PFKL: variants seen among roughly 807,000 people sequenced by gnomAD.
The protein encoded by PFKL is ATP-dependent 6-phosphofructokinase, liver type.
In PFKL, 74 loss-of-function variants were observed where a neutral mutation model predicts 92.1. That is an observed-to-expected ratio of 0.80 (90% CI 0.67 to 0.97). The LOEUF (loss-of-function observed/expected upper bound fraction) is 0.97. PFKL is among the 50% of genes least tolerant of loss of function. The probability of loss-of-function intolerance (pLI) is 0.00; values close to 1 mark genes in which losing one functional copy is unlikely to be tolerated. For missense variants in PFKL, 1,028 were observed against 1,116.6 expected (o/e 0.92, Z 1.13); for synonymous variants, 494 against 456.4 (o/e 1.08, Z -1.05).
At chr21:44,320,188 C>G (rs1233833075) in intron 12 of PFKL, 41 bp downstream of exon 12, 1 of 1,564,674 alleles carries the variant, frequency 6.4e-7, no homozygotes, top group African/African-American at 1.4e-5. Context: ...GGAACGGGCT[C>G]AGTTATTCTG....
At chr21:44,312,627 G>A (rs950460592) in intron 4 of PFKL, among the ~76,000 whole-genome samples, 2 of 152,242 alleles carry the variant, frequency 1.3e-5, no homozygotes, top group African/African-American at 4.8e-5. Flanking sequence ...ACAGTCTGCA[G>A]AAATAGAGTT....
At chr21:44,302,078 G>C (rs944573305) in intron 1 of PFKL, among the ~76,000 whole-genome samples, 1 of 152,218 alleles carries the variant, frequency 6.6e-6, no homozygotes, top group East Asian at 1.9e-4. Context: ...TCCCATCTCT[G>C]TCTGAGCTGG....
intron 2 of PFKL, chr21:44,307,256 G>T (rs1045419408): frequency 2.0e-6 from 2 of 985,048 alleles, no homozygotes; most frequent in Non-Finnish European, 2.4e-6. Context: ...TTGTGTCCCC[G>T]CAGGAGCAGC....
intron 19 of PFKL, 152 bp downstream of exon 19, chr21:44,325,416 G>T (rs1012167081): frequency 1.6e-6 from 1 of 627,182 alleles, no homozygotes; most frequent in Non-Finnish European, 2.9e-6. Flanking sequence ...GGGGACCGAG[G>T]CCTGTATCTA....
At chr21:44,301,588 G>A (rs1385838444) in intron 1 of PFKL, among the ~76,000 whole-genome samples, 1 of 152,250 alleles carries the variant, frequency 6.6e-6, no homozygotes, top group Non-Finnish European at 1.5e-5. Context: ...TGTGGGCCCA[G>A]GTGGGAGAGG....
intron 5 of PFKL, among the ~76,000 whole-genome samples, 170 bp from the exon 6 acceptor site, chr21:44,313,468 C>T (rs1224189822): frequency 2.0e-5 from 3 of 152,222 alleles, no homozygotes; most frequent in Non-Finnish European, 4.4e-5. Context: ...GAAACCAGCC[C>T]AAAGGCTGGA....
At chr21:44,306,053 A>G in intron 1 of PFKL, 1 of 525,960 alleles carries the variant, frequency 1.9e-6, no homozygotes, top group South Asian at 2.5e-5. Context: ...AGCCCCTTCC[A>G]GCAGGTGCTT....
intron 18 of PFKL, 66 bp from the exon 19 acceptor site, chr21:44,325,087 G>A (rs552014449): frequency 2.3e-6 from 3 of 1,286,338 alleles, no homozygotes; most frequent in South Asian, 2.4e-5. Context: ...TGGCCCAGCG[G>A]GGACTCAGGA....
chr21:44,325,948 C>G lies in PFKL; in HGVS notation c.1990-13C>G, dbSNP rs2047494847. ...CAGGGGAGTCCAGGGAACCGGGCCT[C>G]ACCTGTTTCCAGGGTGGCGCTCCAA... On this transcript the variant is annotated splice_polypyrimidine_tract_variant and intron_variant, in intron 19 of 21. Transcript: ENST00000349048. 6.2e-7 allele frequency: 1 copy of G among 1,607,650 alleles called. No individual in the cohort carries two copies. Among genetic ancestry groups the G allele is most frequent in the Admixed American group, 1.7e-5 (1 of 59,658 alleles).
intron 21 of PFKL, 26 bp from the exon 22 acceptor site, chr21:44,326,689 C>G: frequency 6.2e-7 from 1 of 1,608,680 alleles, no homozygotes; most frequent in Non-Finnish European, 8.5e-7. Flanking sequence ...GACTCCCCAT[C>G]ATCCTCCCAT....
At position 44,323,936 on chromosome 21, in the gene PFKL, A is replaced by G; in HGVS notation, c.1650+18A>G. The stretch of plus-strand genomic sequence containing the variant: ...CCATGGAGGTACGGGGCTCCTGGAC[A>G]CCGGCCTGCCATGCCCAGGCCCTTG... On this transcript the variant is annotated intron_variant, in intron 16 of 21. Coordinates refer to ENST00000349048, the MANE Select transcript of PFKL (RefSeq NM_002626.6). The G allele has an allele frequency of 6.2e-7, 1 of 1,612,678 alleles. No homozygotes were observed. Among genetic ancestry groups the G allele is most frequent in the Non-Finnish European group, 8.5e-7 (1 of 1,179,790 alleles).
In PFKL at chr21:44,326,929, G is replaced by T; in HGVS notation, c.*67G>T. Reference sequence around the variant, plus strand: ...CAGCGCAGCGCCAGGGCTCAGATGGGGCCTGGGCTGTTGTGTCTGGAGCCT... The same window carrying T: ...CAGCGCAGCGCCAGGGCTCAGATGGTGCCTGGGCTGTTGTGTCTGGAGCCT... On this transcript the variant is annotated 3_prime_UTR_variant, in exon 22 of 22. Coordinates refer to ENST00000349048, the MANE Select transcript of PFKL (RefSeq NM_002626.6). 3.5e-6 allele frequency: 5 copies of T among 1,443,988 alleles called. No individual in the cohort carries two copies. The highest frequency in any genetic ancestry group is 4.8e-6 in the Non-Finnish European group (5 of 1,050,426). 89.4% of individuals were successfully genotyped at this position (1,443,988 alleles called of 1,614,324 possible).
intron 9 of PFKL, among the ~76,000 whole-genome samples, chr21:44,316,961 T>A (rs995845173): frequency 1.3e-5 from 2 of 152,090 alleles, no homozygotes; most frequent in African/African-American, 4.8e-5. Context: ...GGGCAGGCCC[T>A]GGGAGAGGGG....
rs751446370 is a variant in PFKL at position 44,326,738 on chromosome 21, G to A, written c.2219G>A (p.Trp740Ter). The change falls in exon 22 of 22, where the codon TGG (tryptophan) becomes TAG (stop). Residue 740 changes from tryptophan (W) to a stop codon, truncating the protein, a stop_gained. Coordinates refer to ENST00000349048, the MANE Select transcript of PFKL (RefSeq NM_002626.6). LOFTEE classifies it low-confidence loss of function (END_TRUNC). ...DFEHRMPREQ[W>*]WLSLRLMLKM... ...AGGCACCGCATGCCACGGGAGCAGT[G>A]GTGGCTGAGCCTGCGGCTCATGCTG... 5.6e-6 allele frequency: 9 copies of A among 1,611,542 alleles called. 1 individual carries two copies. In the South Asian group the frequency reaches 9.9e-5, roughly 18 times the overall value.
chr21:44,305,445 A>C, intron 1 of PFKL: 74 of 640,994 alleles, frequency 1.2e-4, no homozygotes, highest in Middle Eastern at 3.2e-4. Context: ...CTGCAAGTAC[A>C]GGGGGGTGGG....
rs563002423 is a variant in PFKL at position 44,326,724 on chromosome 21, G to A, written c.2205G>A (p.Met735Ile). Residue 735 changes from methionine (M) to isoleucine (I), a missense_variant, in exon 22 of 22, where the codon ATG (methionine) becomes ATA (isoleucine). Physicochemically the swap from Met to Ile is conservative, Grantham distance 10. Transcript: ENST00000349048. Reference sequence around the variant, plus strand: ...TCCCCGTCCTGCACAGGCACCGCATGCCACGGGAGCAGTGGTGGCTGAGCC... The same window carrying A: ...TCCCCGTCCTGCACAGGCACCGCATACCACGGGAGCAGTGGTGGCTGAGCC... The part of the protein sequence containing the change: ...LKKDTDFEHR[M>I]PREQWWLSLR... 7.4e-6 allele frequency: 12 copies of A among 1,611,898 alleles called. No homozygotes were observed. Among genetic ancestry groups the A allele is most frequent in the African/African-American group, 4.0e-5 (3 of 75,012 alleles).
At position 44,324,074 on chromosome 21, in the gene PFKL, G is replaced by C. The variant is rs762425; in HGVS notation, c.1650+156G>C. On this transcript the variant is annotated intron_variant, in intron 16 of 21. Coordinates refer to ENST00000349048, the MANE Select transcript of PFKL (RefSeq NM_002626.6). Reference sequence around the variant, plus strand: ...GCACAGGCCCGGGTGAAGGGGCTCAGCTCCCTGCCATAGCCACTTCCAGGT... The same window carrying C: ...GCACAGGCCCGGGTGAAGGGGCTCACCTCCCTGCCATAGCCACTTCCAGGT... Among the ~76,000 whole-genome samples the C allele has an allele frequency of 1.5e-3, 227 of 152,254 alleles. 1 individual carries two copies. The highest frequency in any genetic ancestry group is 5.3e-3 in the African/African-American group (222 of 41,548).
intron 12 of PFKL, 63 bp downstream of exon 12, chr21:44,320,210 C>T (rs980391365): frequency 6.9e-6 from 10 of 1,454,240 alleles, no homozygotes; most frequent in South Asian, 1.1e-5. Flanking sequence ...AGCCTCTTCA[C>T]GCTGGCCCCG....
chr21:44,323,738 T>TTGACCTGCCCC (rs1162040339), intron 15 of PFKL, 28 bp from the exon 16 acceptor site: 5 of 1,598,158 alleles, frequency 3.1e-6, no homozygotes, highest in Non-Finnish European at 4.3e-6. Context: ...GGTGCTGCCC[T>TTGACCTGCCCC]TGACCTGCCC....
Sources: gnomAD v4.1 joint callset for allele counts (sites outside exome capture counted in the v4.1 genomes callset) on GRCh38, gnomAD v4.1.1 for gene constraint, MANE v1.5 for transcripts, NCBI Gene and HGNC (gene_info 2026-07-23, HGNC 2026-07-21) for gene names.